Variants in DMXL2 observed in about 807,000 individuals in gnomAD.
The protein encoded by DMXL2 is Dmx like 2, also known as dmX-like protein 2.
In DMXL2, 103 loss-of-function variants were observed where a neutral mutation model predicts 331.1. The ratio of observed to expected loss-of-function variants is 0.31; its 90% confidence interval spans 0.27 to 0.37. The LOEUF (loss-of-function observed/expected upper bound fraction) is 0.37. DMXL2 is among the 10% of genes least tolerant of loss of function. The pLI, the probability that DMXL2 is intolerant of heterozygous loss-of-function variation, is 1.00. For synonymous variants in DMXL2, 1,281 were observed against 1,252.1 expected, an observed-to-expected ratio of 1.02 and a Z score of -0.49; for missense variants, 3,171 against 3,642.9, an observed-to-expected ratio of 0.87 and a Z score of 3.33.
At chr15:51,591,120 G>C (rs1336258998) in intron 1 of DMXL2, among the ~76,000 whole-genome samples, 1 of 152,210 alleles carries the variant, frequency 6.6e-6, no homozygotes, top group Non-Finnish European at 1.5e-5. Context: ...AACGTGAACC[G>C]AAGCAGGGCG....
chr15:51,545,125 T>C (rs926764704), intron 8 of DMXL2, among the ~76,000 whole-genome samples: 3 of 152,116 alleles, frequency 2.0e-5, no homozygotes, highest in African/African-American at 7.2e-5. Flanking sequence ...TTGTGTCTAA[T>C]ATCTTAATAA....
At chr15:51,465,912 A>G (rs1039755271) in intron 30 of DMXL2, among the ~76,000 whole-genome samples, 1 of 152,188 alleles carries the variant, frequency 6.6e-6, no homozygotes, top group African/African-American at 2.4e-5. Context: ...CCAATAATTT[A>G]TATATTAAAC....
intron 10 of DMXL2, 111 bp from the exon 11 acceptor site, chr15:51,537,870 CA>C: frequency 8.0e-7 from 1 of 1,250,188 alleles, no homozygotes; most frequent in Non-Finnish European, 1.1e-6. Context: ...TTCCAATTTA[CA>C]GTCAGAAAAA....
intron 13 of DMXL2, among the ~76,000 whole-genome samples, chr15:51,528,885 T>G (rs1445201816): frequency 6.6e-6 from 1 of 152,132 alleles, no homozygotes; most frequent in Non-Finnish European, 1.5e-5. Flanking sequence ...TAAAACATTT[T>G]AAGAAATGAA....
chr15:51,555,726 G>A (rs1223869712), intron 6 of DMXL2, among the ~76,000 whole-genome samples: 1 of 152,050 alleles, frequency 6.6e-6, no homozygotes, highest in Non-Finnish European at 1.5e-5. Context: ...ACACAATTTT[G>A]TGCTAATAAA....
At chr15:51,577,920 C>T (rs183817162) in intron 1 of DMXL2, among the ~76,000 whole-genome samples, 1 of 152,152 alleles carries the variant, frequency 6.6e-6, no homozygotes, top group African/African-American at 2.4e-5. Flanking sequence ...GGAAAATTTA[C>T]ACAGTCATTT....
intron 6 of DMXL2, among the ~76,000 whole-genome samples, chr15:51,561,834 T>C (rs2049990095): frequency 6.6e-6 from 1 of 152,164 alleles, no homozygotes; most frequent in African/African-American, 2.4e-5. Flanking sequence ...ATATACACAG[T>C]GGAATACTAT....
At chr15:51,548,110 CAT>C (rs1201830983) in intron 6 of DMXL2, among the ~76,000 whole-genome samples, 1 of 152,116 alleles carries the variant, frequency 6.6e-6, no homozygotes, top group African/African-American at 2.4e-5. Flanking sequence ...CTGACTTAAT[CAT>C]TTTACTTAGT....
chr15:51,543,136 G>A (rs1022351005), intron 8 of DMXL2, among the ~76,000 whole-genome samples: 71 of 152,124 alleles, frequency 4.7e-4, no homozygotes, highest in African/African-American at 1.7e-3. Flanking sequence ...ATTAGCATGC[G>A]TGATCATGTG....
intron 20 of DMXL2, 107 bp from the exon 21 acceptor site, chr15:51,488,752 A>G (rs2042582629): frequency 2.1e-6 from 2 of 955,998 alleles, no homozygotes; most frequent in Non-Finnish European, 3.1e-6. Flanking sequence ...GAAACTGTGG[A>G]GACAGAAAAA....
intron 19 of DMXL2, among the ~76,000 whole-genome samples, chr15:51,491,970 T>A (rs1230437909): frequency 6.6e-6 from 1 of 152,228 alleles, no homozygotes; most frequent in African/African-American, 2.4e-5. Context: ...TCCCCAAACA[T>A]TTGTTTTCAT....
Position 51,517,095 on chromosome 15 carries a change from C to T in DMXL2, c.2509G>A (p.Asp837Asn). 4 of 1,613,872 alleles carry T rather than the reference C, an allele frequency of 2.5e-6. No homozygotes were observed. Among genetic ancestry groups the T allele is most frequent in the Non-Finnish European group, 3.4e-6 (4 of 1,179,806 alleles). The change falls in exon 14 of 44, where the codon GAC (aspartate) becomes AAC (asparagine). Residue 837 changes from aspartate (D) to asparagine (N), a missense_variant. Around this residue, in one of 7 missense-constraint regions of DMXL2, gnomAD observed 1,674 missense variants for 1,780.2 expected, o/e 0.94. Transcript: ENST00000560891. ...GTTTTTACTTGGTTGGTTATTGCGTCGAGTTCAATAATGCAGCCAGGTCGA... is the reference window on the plus strand; with the variant it reads ...GTTTTTACTTGGTTGGTTATTGCGTTGAGTTCAATAATGCAGCCAGGTCGA... ...TARPGCIIEL[D>N]AITNQCGSNT...
rs143618514 is a variant in DMXL2, at chr15:51,494,138, G to A, written c.4783+886C>T. 1.5e-3 allele frequency among the ~76,000 whole-genome samples: 221 copies of A among 152,280 alleles called. 4 individuals are homozygous for A. The East Asian group carries it at 0.036, about 25-fold the overall frequency. ...TGCCAAGGTACAAGGTTATTCATTAGAGTGATAATTCAAATAGAAAAAATA... is the reference window on the plus strand; with the variant it reads ...TGCCAAGGTACAAGGTTATTCATTAAAGTGATAATTCAAATAGAAAAAATA... On this transcript the variant is annotated intron_variant, in intron 19 of 43. Transcript: ENST00000560891.
chr15:51,515,537 G>T (rs1371066092), intron 14 of DMXL2, among the ~76,000 whole-genome samples: 1 of 152,132 alleles, frequency 6.6e-6, no homozygotes, highest in African/African-American at 2.4e-5. Context: ...TGTCTAGGAG[G>T]TCATTTCCCC....
chr15:51,606,645 C>G (rs1049661023), intron 1 of DMXL2, among the ~76,000 whole-genome samples: 1 of 152,200 alleles, frequency 6.6e-6, no homozygotes, highest in Admixed American at 6.5e-5. Flanking sequence ...AAGATACCAC[C>G]ATCTTGGGCC....
At chr15:51,565,519 T>A (rs1461975260) in intron 3 of DMXL2, among the ~76,000 whole-genome samples, 1 of 152,236 alleles carries the variant, frequency 6.6e-6, no homozygotes, top group African/African-American at 2.4e-5. Flanking sequence ...TCATCTCTGC[T>A]ATGAAGCCTT....
Position 51,614,806 on chromosome 15 carries a change from A to T in DMXL2, c.87+7653T>A, listed in dbSNP as rs184527028. Among the ~76,000 whole-genome samples, 38 of 152,326 alleles carry T rather than the reference A, an allele frequency of 2.5e-4. No individual in the cohort carries two copies. In the East Asian group the frequency reaches 6.6e-3, roughly 26 times the overall value. Reference sequence around the variant, plus strand: ...TCTGAGTGGAAAAAAAAGCCACGTGAAAGTCTGGAATAAGGGGCTAACAAG... The same window carrying T: ...TCTGAGTGGAAAAAAAAGCCACGTGTAAGTCTGGAATAAGGGGCTAACAAG... On this transcript the variant is annotated intron_variant, in intron 1 of 43. Coordinates refer to ENST00000560891, the MANE Select transcript of DMXL2 (RefSeq NM_001378457.1).
intron 18 of DMXL2, among the ~76,000 whole-genome samples, chr15:51,496,905 C>A (rs2043222736): frequency 6.6e-6 from 1 of 152,184 alleles, no homozygotes; most frequent in African/African-American, 2.4e-5. Context: ...AGTTTCCCAC[C>A]TGTGAAATGG....
At chr15:51,528,969 A>C (rs2140817105) in intron 13 of DMXL2, among the ~76,000 whole-genome samples, 1 of 152,328 alleles carries the variant, frequency 6.6e-6, no homozygotes, top group South Asian at 2.1e-4. Flanking sequence ...TGGAAACTAT[A>C]CGAACATATG....
Sources: gnomAD v4.1 joint callset for allele counts (sites outside exome capture counted in the v4.1 genomes callset) on GRCh38, gnomAD v4.1.1 for gene constraint, gnomAD v4.1.1 regional missense constraint, MANE v1.5 for transcripts, NCBI Gene and HGNC (gene_info 2026-07-23, HGNC 2026-07-21) for gene names.